Variants in ATP9B observed in about 807,000 individuals in gnomAD.
ATP9B encodes the protein ATPase phospholipid transporting 9B.
In ATP9B, 110 loss-of-function variants were observed where a neutral mutation model predicts 146.1. The observed-to-expected ratio is 0.75, with a 90% CI of 0.65 to 0.88. ATP9B has a LOEUF of 0.88. Among genes scored for constraint, ATP9B ranks in the 40% least tolerant of loss-of-function variants. ATP9B has a pLI of 0.00. For synonymous variants in ATP9B, 604 were observed against 569.7 expected (o/e 1.06, Z -0.86); for missense variants, 1,499 against 1,496.4 (o/e 1.00, Z -0.03).
intron 12 of ATP9B, among the ~76,000 whole-genome samples, chr18:79,262,716 C>A (rs2096156219): frequency 6.6e-6 from 1 of 152,180 alleles, no homozygotes; most frequent in Admixed American, 6.5e-5. Flanking sequence ...CCAGGGATTC[C>A]ATACATGAAC....
chr18:79,157,378 G>T (rs1315245702), intron 7 of ATP9B, among the ~76,000 whole-genome samples: 1 of 110,522 alleles, frequency 9.0e-6, no homozygotes, highest in Non-Finnish European at 1.7e-5. Flanking sequence ...GCTGGGTGAC[G>T]AGAGTGAAAC....
In ATP9B at chr18:79,299,516, C is replaced by T. The variant is rs149684455; in HGVS notation, c.1412-4088C>T. On this transcript the variant is annotated intron_variant, in intron 13 of 29. Coordinates refer to ENST00000426216, the MANE Select transcript of ATP9B (RefSeq NM_198531.5). ...CCCTCTCTGCAGTCTCCTGTGACTG[C>T]ACCACATGGACCCTGCATTAGTGCC... Among the ~76,000 whole-genome samples the T allele has an allele frequency of 2.4e-3, 364 of 152,342 alleles. 1 individual carries two copies. The highest frequency in any genetic ancestry group is 6.4e-3 in the South Asian group (31 of 4,830).
intron 2 of ATP9B, among the ~76,000 whole-genome samples, chr18:79,099,065 T>G (rs2146812940): frequency 6.6e-6 from 1 of 152,308 alleles, no homozygotes; most frequent in Admixed American, 6.5e-5. Flanking sequence ...CTTATTTTGT[T>G]TGACTTTAAC....
At chr18:79,291,206 A>G (rs1046570033) in intron 13 of ATP9B, among the ~76,000 whole-genome samples, 2 of 152,198 alleles carry the variant, frequency 1.3e-5, no homozygotes, top group Non-Finnish European at 2.9e-5. Context: ...TTTTGTCAAA[A>G]GACATTTTCT....
intron 23 of ATP9B, among the ~76,000 whole-genome samples, chr18:79,347,356 C>A (rs879125980): frequency 6.6e-6 from 1 of 152,220 alleles, no homozygotes; most frequent in Non-Finnish European, 1.5e-5. Context: ...TATGAAAAAA[C>A]AGAATTGTCT....
chr18:79,150,801 A>G (rs1419869924), intron 6 of ATP9B, among the ~76,000 whole-genome samples: 1 of 152,148 alleles, frequency 6.6e-6, no homozygotes, highest in African/African-American at 2.4e-5. Flanking sequence ...ACGAGCCTGG[A>G]CAACATAGAC....
In ATP9B at chr18:79,245,530, G is replaced by A. The variant is rs1484539934; in HGVS notation, c.1108-7851G>A. Among the ~76,000 whole-genome samples, 5 of 152,218 alleles carry A rather than the reference G, an allele frequency of 3.3e-5. No homozygotes were observed. The East Asian group carries it at 9.6e-4, about 29-fold the overall frequency. On this transcript the variant is annotated intron_variant, in intron 11 of 29. Transcript: ENST00000426216. ...TCTGAAACTTCGAAAAGCCTTAGGA[G>A]GGCACCACCCTACTGACTGAGGAGG...
At chr18:79,269,507 TATG>T in intron 12 of ATP9B, among the ~76,000 whole-genome samples, 1 of 152,336 alleles carries the variant, frequency 6.6e-6, no homozygotes, top group East Asian at 1.9e-4. Flanking sequence ...AAAAAATTTT[TATG>T]TATCCGTTTG....
At chr18:79,244,664 A>G (rs2095925124) in intron 11 of ATP9B, among the ~76,000 whole-genome samples, 1 of 152,214 alleles carries the variant, frequency 6.6e-6, no homozygotes, top group Admixed American at 6.5e-5. Flanking sequence ...AGTATATTTT[A>G]AGAGTGTTTC....
intron 9 of ATP9B, among the ~76,000 whole-genome samples, chr18:79,201,697 G>A (rs1460020116): frequency 1.3e-5 from 2 of 152,108 alleles, no homozygotes; most frequent in Non-Finnish European, 2.9e-5. Flanking sequence ...AGCCTCCCGA[G>A]CAGTTGGGAC....
rs573059739 is a variant in ATP9B, at chr18:79,359,058, G to C, written c.2904-296G>C. On this transcript the variant is annotated intron_variant, in intron 25 of 29. Transcript: ENST00000426216. ...CTGGGTAAAGATCACATAAGATCTC[G>C]GTGCTATTCCTGACAACTGCATGTG... Among the ~76,000 whole-genome samples, 8 of 152,176 alleles carry C rather than the reference G, an allele frequency of 5.3e-5. No individual in the cohort carries two copies. In the South Asian group the frequency reaches 1.5e-3, roughly 28 times the overall value.
At chr18:79,282,699 T>C (rs2096391105) in intron 13 of ATP9B, among the ~76,000 whole-genome samples, 1 of 152,218 alleles carries the variant, frequency 6.6e-6, no homozygotes, top group South Asian at 2.1e-4. Context: ...TGATAGTCAC[T>C]TTATTGCCCA....
chr18:79,367,009 ACCTCCAC>A, intron 26 of ATP9B, among the ~76,000 whole-genome samples: 1 of 150,750 alleles, frequency 6.6e-6, no homozygotes, highest in African/African-American at 2.4e-5. Context: ...AGATACCTTC[ACCTCCAC>A]CGTGTGTACG....
At chr18:79,313,090 C>T (rs2096661789) in intron 15 of ATP9B, among the ~76,000 whole-genome samples, 1 of 152,180 alleles carries the variant, frequency 6.6e-6, no homozygotes, top group Non-Finnish European at 1.5e-5. Context: ...TAGCCATCAG[C>T]CCTGTTACAG....
intron 6 of ATP9B, among the ~76,000 whole-genome samples, chr18:79,147,533 G>A (rs2094611318): frequency 8.6e-6 from 1 of 116,858 alleles, no homozygotes; most frequent in Non-Finnish European, 1.7e-5. Context: ...AACCAAGGCA[G>A]CAGGAAAACT....
intron 10 of ATP9B, among the ~76,000 whole-genome samples, chr18:79,210,369 T>A (rs2095573028): frequency 6.6e-6 from 1 of 152,008 alleles, no homozygotes; most frequent in Admixed American, 6.5e-5. Context: ...CACGCCTGGG[T>A]GCGGGTCTCC....
At chr18:79,356,285 A>G (rs1197651969) in intron 25 of ATP9B, among the ~76,000 whole-genome samples, 1 of 152,180 alleles carries the variant, frequency 6.6e-6, no homozygotes. Flanking sequence ...CATCTGGAAG[A>G]TGTCCTAGCA....
In ATP9B at chr18:79,203,844, A is replaced by G. The variant is rs146798420; in HGVS notation, c.955-3093A>G. Among the ~76,000 whole-genome samples, 240 of 152,274 alleles carry G rather than the reference A, an allele frequency of 1.6e-3. 1 individual carries two copies. The highest frequency in any genetic ancestry group is 5.5e-3 in the African/African-American group (230 of 41,568). ...CTGGGAAGTAGGAATGAGGATGTCT[A>G]TCTTTTTTGTTTCTTCAACAGTGTT... On this transcript the variant is annotated intron_variant, in intron 9 of 29. Coordinates refer to ENST00000426216, the MANE Select transcript of ATP9B (RefSeq NM_198531.5).
intron 9 of ATP9B, among the ~76,000 whole-genome samples, chr18:79,198,477 T>G (rs2095437001): frequency 6.6e-6 from 1 of 152,134 alleles, no homozygotes; most frequent in Admixed American, 6.5e-5. Context: ...CGGTCATGAG[T>G]TGCTTAATAG....
Sources: allele counts gnomAD v4.1 joint callset (sites outside exome capture counted in the v4.1 genomes callset), GRCh38; gene constraint gnomAD v4.1.1; transcripts MANE v1.5; gene names NCBI Gene and HGNC (gene_info 2026-07-23, HGNC 2026-07-21).